Variants in CALN1 observed in about 807,000 individuals in gnomAD.
CALN1 encodes calcium-binding protein 8.
In CALN1, 17 loss-of-function variants were observed where a neutral mutation model predicts 30.6. That is an observed-to-expected ratio of 0.56 (90% CI 0.38 to 0.83). The LOEUF is 0.83. Ranked by LOEUF, CALN1 falls within the 40% of genes least tolerant of loss-of-function variation. CALN1 has a pLI of 0.00. For missense variants in CALN1, 291 were observed against 354.9 expected, an observed-to-expected ratio of 0.82 and a Z score of 1.45; for synonymous variants, 156 against 131.4, an observed-to-expected ratio of 1.19 and a Z score of -1.28.
intron 3 of CALN1, among the ~76,000 whole-genome samples, chr7:72,226,627 C>T (rs545447617): frequency 1.3e-5 from 2 of 152,322 alleles, no homozygotes; most frequent in South Asian, 4.1e-4. Context: ...ACACATCTTC[C>T]TACACTGTAG....
chr7:72,182,356 T>G (rs1371342556), intron 3 of CALN1, among the ~76,000 whole-genome samples: 5 of 151,914 alleles, frequency 3.3e-5, no homozygotes, highest in African/African-American at 9.7e-5. Flanking sequence ...GCCATCAGAA[T>G]AGAGATGAGC....
chr7:72,098,398 GT>G (rs1806390354), intron 4 of CALN1, among the ~76,000 whole-genome samples: 1 of 152,102 alleles, frequency 6.6e-6, no homozygotes. Flanking sequence ...TGGGCTTTTT[GT>G]TTATTTAACT....
intron 2 of CALN1, among the ~76,000 whole-genome samples, chr7:72,401,946 T>G (rs945029827): frequency 1.3e-5 from 2 of 152,162 alleles, no homozygotes; most frequent in Admixed American, 1.3e-4. Context: ...ATCCTTTCAT[T>G]TATCCTAGGC....
chr7:72,144,420 C>A (rs904670074), intron 3 of CALN1, among the ~76,000 whole-genome samples: 21 of 152,166 alleles, frequency 1.4e-4, no homozygotes, highest in Non-Finnish European at 2.6e-4. Flanking sequence ...ACAAGAAGAG[C>A]TAACTATCTT....
At chr7:72,411,299 TTGAC>T (rs1222055795) in intron 1 of CALN1, among the ~76,000 whole-genome samples, 16 of 152,262 alleles carry the variant, frequency 1.1e-4, no homozygotes, top group African/African-American at 3.6e-4. Flanking sequence ...ACATAATATT[TTGAC>T]TGAGCTTTCC....
In CALN1 at chr7:71,978,262, C is replaced by CTTTTTTTTTTTTTTTTT. The variant is rs1010635078; in HGVS notation, c.501+45378_501+45394dup. Among the ~76,000 whole-genome samples the CTTTTTTTTTTTTTTTTT allele has an allele frequency of 5.6e-4, 41 of 72,934 alleles. 3 individuals carry two copies. Among genetic ancestry groups the CTTTTTTTTTTTTTTTTT allele is most frequent in the African/African-American group, 2.1e-3 (37 of 17,636 alleles). 47.8% of individuals were successfully genotyped at this position (72,934 alleles called of 152,430 possible). A position where few individuals can be genotyped will look rare whatever the true frequency, so the allele number is the denominator to read the frequency against. On this transcript the variant is annotated intron_variant, in intron 5 of 6. Transcript: ENST00000395275. The stretch of plus-strand genomic sequence containing the variant: ...AAAAACTCAGGGACTCTAGAGAATT[C>CTTTTTTTTTTTTTTTTT]TTTTTTTTTTTTTTTTTTTTTTTTT...
At chr7:72,344,418 T>C (rs1442342378) in intron 2 of CALN1, among the ~76,000 whole-genome samples, 1 of 152,006 alleles carries the variant, frequency 6.6e-6, no homozygotes, top group East Asian at 1.9e-4. Context: ...AAAAAGTTAA[T>C]GGCAAAATAA....
intron 4 of CALN1, among the ~76,000 whole-genome samples, chr7:72,101,035 C>G (rs1017811470): frequency 4.2e-4 from 64 of 151,938 alleles, no homozygotes; most frequent in African/African-American, 1.5e-3. Flanking sequence ...GTGATCTCAG[C>G]TTACTGCAAC....
intron 5 of CALN1, among the ~76,000 whole-genome samples, chr7:71,884,936 A>G (rs1255263171): frequency 6.6e-6 from 1 of 150,836 alleles, no homozygotes; most frequent in Non-Finnish European, 1.5e-5. Flanking sequence ...CTTGTCATCT[A>G]TTGTCTCTAA....
At chr7:72,082,124 T>C (rs900014302) in intron 4 of CALN1, among the ~76,000 whole-genome samples, 1 of 152,090 alleles carries the variant, frequency 6.6e-6, no homozygotes, top group African/African-American at 2.4e-5. Context: ...GTAGCTGGGA[T>C]TACAGGCATG....
intron 3 of CALN1, among the ~76,000 whole-genome samples, chr7:72,186,052 T>G: frequency 6.6e-6 from 1 of 151,428 alleles, no homozygotes; most frequent in Non-Finnish European, 1.5e-5. Context: ...GGCCGGAGGG[T>G]GAGAGAAGGA....
intron 5 of CALN1, among the ~76,000 whole-genome samples, chr7:71,949,796 T>C (rs1245608459): frequency 6.7e-6 from 1 of 150,080 alleles, no homozygotes. Context: ...GAGTCTCGCT[T>C]TGTCGCCCAG....
At chr7:72,170,656 C>G (rs1201438574) in intron 3 of CALN1, among the ~76,000 whole-genome samples, 2 of 152,200 alleles carry the variant, frequency 1.3e-5, no homozygotes, top group Non-Finnish European at 2.9e-5. Flanking sequence ...CTGAGTCATT[C>G]TCTGCCTAAT....
chr7:72,337,373 G>T (rs1475200349), intron 2 of CALN1: 11 of 889,050 alleles, frequency 1.2e-5, no homozygotes, highest in Non-Finnish European at 1.5e-5. Flanking sequence ...CGGTTTCCAA[G>T]CAGCGCAACC....
At chr7:72,368,644 G>C (rs1562927101) in intron 2 of CALN1, among the ~76,000 whole-genome samples, 1 of 151,886 alleles carries the variant, frequency 6.6e-6, no homozygotes, top group African/African-American at 2.4e-5. Flanking sequence ...ATCATACGGA[G>C]GTCATCTGAA....
chr7:72,312,873 C>T (rs1044055706), intron 2 of CALN1, among the ~76,000 whole-genome samples: 2 of 151,436 alleles, frequency 1.3e-5, no homozygotes, highest in African/African-American at 2.4e-5. Flanking sequence ...CTCATTCTGT[C>T]GCCCAGACTG....
chr7:72,386,101 T>C (rs545721366), intron 2 of CALN1, among the ~76,000 whole-genome samples: 3 of 152,252 alleles, frequency 2.0e-5, no homozygotes, highest in East Asian at 1.9e-4. Flanking sequence ...AAGGGAAAGG[T>C]TGAAGAGGTG....
In CALN1 at chr7:72,067,508, C is replaced by T. The variant is rs557160656; in HGVS notation, c.388+38643G>A. Reference sequence around the variant, plus strand: ...CAAATGATCCTCCTGCCTCAGCCTCCGGAAGTGTTGGAATTACAGGCATGA... The same window carrying T: ...CAAATGATCCTCCTGCCTCAGCCTCTGGAAGTGTTGGAATTACAGGCATGA... On this transcript the variant is annotated intron_variant, in intron 4 of 6. Transcript: ENST00000395275. Among the ~76,000 whole-genome samples, 71 of 152,224 alleles carry T rather than the reference C, an allele frequency of 4.7e-4. 1 individual carries two copies. In the South Asian group the frequency reaches 0.012, roughly 26 times the overall value.
intron 2 of CALN1, among the ~76,000 whole-genome samples, chr7:72,369,981 A>G (rs2129560250): frequency 6.6e-6 from 1 of 152,340 alleles, no homozygotes; most frequent in Middle Eastern, 3.4e-3. Flanking sequence ...TTGGTTAAAT[A>G]CCTAGAAATG....
Sources: allele counts gnomAD v4.1 joint callset (sites outside exome capture counted in the v4.1 genomes callset), GRCh38; gene constraint gnomAD v4.1.1; transcripts MANE v1.5; gene names NCBI Gene and HGNC (gene_info 2026-07-23, HGNC 2026-07-21).